RYR2: variants seen among roughly 807,000 people sequenced by gnomAD.
The protein encoded by RYR2 is ryanodine receptor 2.
RYR2 carries 227 observed loss-of-function variants against 601.1 expected under a neutral mutation model. That is an observed-to-expected ratio of 0.38 (90% CI 0.34 to 0.42). The LOEUF (loss-of-function observed/expected upper bound fraction) is 0.42. RYR2 is among the 10% of genes least tolerant of loss of function. RYR2 has a pLI of 1.00. For missense variants in RYR2, 4,646 were observed against 6,156.5 expected (o/e 0.75, Z 8.21); for synonymous variants, 2,223 against 2,175.1 (o/e 1.02, Z -0.61).
intron 94 of RYR2, among the ~76,000 whole-genome samples, chr1:237,793,392 G>T (rs1490385057): frequency 6.6e-6 from 1 of 152,154 alleles, no homozygotes; most frequent in Non-Finnish European, 1.5e-5. Flanking sequence ...TTTTGCTGAT[G>T]TCGAAATTAA....
At chr1:237,164,114 C>T (rs1346907265) in intron 1 of RYR2, among the ~76,000 whole-genome samples, 4 of 152,138 alleles carry the variant, frequency 2.6e-5, no homozygotes, top group East Asian at 1.9e-4. Flanking sequence ...GGTGAAACCT[C>T]GTCTCTACTA....
At chr1:237,085,911 G>A (rs184317182) in intron 1 of RYR2, among the ~76,000 whole-genome samples, 11 of 152,270 alleles carry the variant, frequency 7.2e-5, no homozygotes, top group East Asian at 5.8e-4. Flanking sequence ...GTGCCGCTAC[G>A]CCTGGCTAAT....
Position 237,787,972 on chromosome 1 carries a change from TTG to T in RYR2, c.13329-14_13329-13del. On this transcript the variant is annotated splice_polypyrimidine_tract_variant and intron_variant, in intron 91 of 104. Coordinates refer to ENST00000366574, the MANE Select transcript of RYR2 (RefSeq NM_001035.3). ...AGTTTCTGGAGAGCTTATGTTTTGT[TTG>T]TTTGTTTTCATAGGGGAGAAGATGG... The T allele has an allele frequency of 6.4e-7, 1 of 1,574,308 alleles. No individual in the cohort carries two copies. The highest frequency in any genetic ancestry group is 8.6e-7 in the Non-Finnish European group (1 of 1,158,702).
At chr1:237,503,527 G>T in intron 22 of RYR2, 22 bp downstream of exon 22, 5 of 1,609,340 alleles carry the variant, frequency 3.1e-6, no homozygotes, top group Non-Finnish European at 4.3e-6. Context: ...CACTCGAATG[G>T]CAATCACTGG....
intron 2 of RYR2, among the ~76,000 whole-genome samples, chr1:237,306,530 A>G (rs952318953): frequency 2.6e-5 from 4 of 152,226 alleles, no homozygotes; most frequent in Non-Finnish European, 5.9e-5. Context: ...AGAATGGAAA[A>G]TAACCAGTCA....
At chr1:237,262,145 T>C (rs1688585983) in intron 1 of RYR2, among the ~76,000 whole-genome samples, 1 of 151,942 alleles carries the variant, frequency 6.6e-6, no homozygotes, top group African/African-American at 2.4e-5. Context: ...GCAACAGTGA[T>C]TGTAGAAATC....
At chr1:237,473,424 T>C (rs993120972) in intron 17 of RYR2, among the ~76,000 whole-genome samples, 1 of 125,620 alleles carries the variant, frequency 8.0e-6, no homozygotes, top group Admixed American at 8.4e-5. Flanking sequence ...ACTCCATCTC[T>C]CTCTCTCTCT....
At chr1:237,552,925 G>A (rs1209196492) in intron 27 of RYR2, among the ~76,000 whole-genome samples, 1 of 151,694 alleles carries the variant, frequency 6.6e-6, no homozygotes, top group Non-Finnish European at 1.5e-5. Flanking sequence ...TATAATTACC[G>A]AGGCATATTT....
chr1:237,715,050 G>C (rs1689160578), intron 71 of RYR2, among the ~76,000 whole-genome samples: 1 of 147,926 alleles, frequency 6.8e-6, no homozygotes, highest in South Asian at 2.1e-4. Flanking sequence ...TTTAAGAAAG[G>C]GCTCAGGTTA....
chr1:237,709,450 A>G (rs1688647976), intron 69 of RYR2, 30 bp from the exon 70 acceptor site: 2 of 1,429,822 alleles, frequency 1.4e-6, no homozygotes, highest in South Asian at 1.2e-5. Flanking sequence ...GGAGTAGCTG[A>G]GAAACCACTT....
chr1:237,445,301 T>G, intron 13 of RYR2, 100 bp from the exon 14 acceptor site: 2 of 1,469,924 alleles, frequency 1.4e-6, no homozygotes. Context: ...CTTTTGATTC[T>G]ATCTGTTGTT....
intron 79 of RYR2, among the ~76,000 whole-genome samples, chr1:237,738,768 T>C (rs1162290590): frequency 6.6e-6 from 1 of 152,174 alleles, no homozygotes; most frequent in African/African-American, 2.4e-5. Flanking sequence ...TAGACTTTTG[T>C]ATCACCTCTG....
At chr1:237,093,179 A>T (rs1001525918) in intron 1 of RYR2, among the ~76,000 whole-genome samples, 2 of 152,154 alleles carry the variant, frequency 1.3e-5, no homozygotes, top group Non-Finnish European at 1.5e-5. Flanking sequence ...GCTTGCAGCC[A>T]CCTTATTGGA....
intron 18 of RYR2, among the ~76,000 whole-genome samples, chr1:237,492,142 C>T (rs1005082236): frequency 3.3e-5 from 5 of 152,202 alleles, no homozygotes; most frequent in Admixed American, 6.5e-5. Flanking sequence ...AAGCATTCTC[C>T]TGTCTCAGCC....
At chr1:237,671,479 A>G (rs983918456) in intron 58 of RYR2, among the ~76,000 whole-genome samples, 4 of 151,604 alleles carry the variant, frequency 2.6e-5, no homozygotes, top group African/African-American at 9.7e-5. Context: ...GGAATCTGTC[A>G]CCACCTGATG....
At chr1:237,772,333 TG>T (rs1351596986) in intron 86 of RYR2, among the ~76,000 whole-genome samples, 3 of 152,242 alleles carry the variant, frequency 2.0e-5, no homozygotes, top group African/African-American at 7.2e-5. Flanking sequence ...ATTTTTCGCC[TG>T]TTTTTTTAGC....
chr1:237,464,409 A>ATT (rs35711499), intron 16 of RYR2, among the ~76,000 whole-genome samples: 2 of 150,090 alleles, frequency 1.3e-5, no homozygotes, highest in Admixed American at 1.3e-4. Context: ...AGCATTTGTG[A>ATT]TTTTTTTTTT....
At position 237,631,419 on chromosome 1, in the gene RYR2, C is replaced by G. The variant is rs770177812; in HGVS notation, c.6441-8C>G. The G allele has an allele frequency of 9.5e-6, 15 of 1,584,586 alleles. No individual in the cohort carries two copies. The African/African-American group carries it at 1.9e-4, about 20-fold the overall frequency. On this transcript the variant is annotated splice_region_variant and splice_polypyrimidine_tract_variant and intron_variant, in intron 41 of 104. Coordinates refer to ENST00000366574, the MANE Select transcript of RYR2 (RefSeq NM_001035.3). ...AGCTTTACCCCATACGTCCATTGTC[C>G]TTTCTAGGGATATTATGAATAACAA...
chr1:237,316,060 A>G (rs1268889409), intron 2 of RYR2, among the ~76,000 whole-genome samples: 2 of 152,168 alleles, frequency 1.3e-5, no homozygotes, highest in African/African-American at 2.4e-5. Context: ...GATGACATCT[A>G]GGAAATTAGA....
Sources: allele counts gnomAD v4.1 joint callset (sites outside exome capture counted in the v4.1 genomes callset), GRCh38; gene constraint gnomAD v4.1.1; transcripts MANE v1.5; gene names NCBI Gene and HGNC (gene_info 2026-07-23, HGNC 2026-07-21).